Variants in AP2A2 observed in about 807,000 individuals in gnomAD.
AP2A2 encodes the protein adaptor related protein complex 2 subunit alpha 2.
In AP2A2, 32 loss-of-function variants were observed where a neutral mutation model predicts 104.2. The observed-to-expected ratio is 0.31, with a 90% confidence interval of 0.23 to 0.41. AP2A2 has a LOEUF of 0.41. Ranked by LOEUF, AP2A2 falls within the 10% of genes least tolerant of loss-of-function variation. The probability of loss-of-function intolerance (pLI) is 1.00; values close to 1 mark genes in which losing one functional copy is unlikely to be tolerated. For missense variants in AP2A2, 912 were observed against 1,261.0 expected, an observed-to-expected ratio of 0.72 and a Z score of 4.19; for synonymous variants, 539 against 533.3, an observed-to-expected ratio of 1.01 and a Z score of -0.15.
In AP2A2 at chr11:968,698, C is replaced by T. The variant is rs989795416; in HGVS notation, c.137-1471C>T. Among the ~76,000 whole-genome samples, 1 of 151,708 alleles carries T rather than the reference C, an allele frequency of 6.6e-6. No individual in the cohort carries two copies. The highest frequency in any genetic ancestry group is 2.4e-5 in the African/African-American group (1 of 41,300). ...GGATCTCTGCTGCGCAGCCCGTGCT[C>T]AGCTGTGTGTGCCCTCCTGCACAAA... On this transcript the variant is annotated intron_variant, in intron 2 of 21. Coordinates refer to ENST00000448903, the MANE Select transcript of AP2A2 (RefSeq NM_012305.4). The surrounding 1 kb of genome is among the most constrained non-coding windows in gnomAD (Gnocchi z 4.2).
At chr11:938,293 G>A (rs1368269445) in intron 1 of AP2A2, among the ~76,000 whole-genome samples, 1 of 152,132 alleles carries the variant, frequency 6.6e-6, no homozygotes, top group South Asian at 2.1e-4. Context: ...ACCCCTATAC[G>A]ATACTGAGGT....
Position 1,003,720 on chromosome 11 carries a change from A to G in AP2A2, c.2124-2A>G. ...ACACATATACTGTCCCTTTTCCCCTAGGTTTGTTTGTAAAAACAATGGTGT... is the reference window on the plus strand; with the variant it reads ...ACACATATACTGTCCCTTTTCCCCTGGGTTTGTTTGTAAAAACAATGGTGT... On this transcript the variant is annotated splice_acceptor_variant, in intron 15 of 21. Coordinates refer to ENST00000448903, the MANE Select transcript of AP2A2 (RefSeq NM_012305.4). LOFTEE classifies it high-confidence loss of function. The G allele has an allele frequency of 6.3e-7, 1 of 1,598,228 alleles. No homozygotes were observed. Among genetic ancestry groups the G allele is most frequent in the Non-Finnish European group, 8.5e-7 (1 of 1,172,308 alleles).
intron 1 of AP2A2, among the ~76,000 whole-genome samples, chr11:938,727 G>C (rs1009246861): frequency 6.6e-6 from 1 of 151,944 alleles, no homozygotes; most frequent in Non-Finnish European, 1.5e-5. Flanking sequence ...GCCCGCCTTG[G>C]CCTCCTGAAA....
chr11:946,277 G>A (rs984383297), intron 1 of AP2A2, among the ~76,000 whole-genome samples: 1 of 152,206 alleles, frequency 6.6e-6, no homozygotes, highest in African/African-American at 2.4e-5. Flanking sequence ...AGCTGGGAAA[G>A]CCAGCAGCCT....
chr11:1,006,768 A>G, intron 17 of AP2A2, 151 bp downstream of exon 17: 3 of 632,448 alleles, frequency 4.7e-6, no homozygotes, highest in Non-Finnish European at 8.3e-6. Flanking sequence ...TAATCTGCCT[A>G]TGGTGCTGGG....
intron 1 of AP2A2, among the ~76,000 whole-genome samples, chr11:939,857 C>T (rs1853585181): frequency 1.3e-5 from 2 of 151,612 alleles, no homozygotes; most frequent in Admixed American, 6.6e-5. Context: ...TATTTCATGT[C>T]TGAAAGTACT....
At chr11:956,313 C>A (rs1854233444) in intron 1 of AP2A2, among the ~76,000 whole-genome samples, 1 of 152,138 alleles carries the variant, frequency 6.6e-6, no homozygotes, top group South Asian at 2.1e-4. Flanking sequence ...CAGGCATGCG[C>A]CACCACGCCT....
intron 6 of AP2A2, among the ~76,000 whole-genome samples, chr11:983,049 C>T (rs1284019480): frequency 2.0e-4 from 25 of 125,988 alleles, no homozygotes; most frequent in Admixed American, 6.7e-4. Flanking sequence ...GAGTCGGAGT[C>T]GCACTCTGTT....
chr11:1,009,334 G>A lies in AP2A2; in HGVS notation c.2544G>A (p.Gln848=), dbSNP rs1296695539. ...CCTTTGCTGTTTCTCACAGTCCACA[G>A]CAGGAAGTGCAGAACATCTTCAAAG... is the stretch of plus-strand genomic sequence containing the variant. ...FQRWKQLSNP[Q]QEVQNIFKAK... The change falls in exon 20 of 22, where the codon CAG becomes CAA. Residue 848 remains glutamine, a synonymous_variant. Coordinates refer to ENST00000448903, the MANE Select transcript of AP2A2 (RefSeq NM_012305.4). 6.2e-7 allele frequency: 1 copy of A among 1,613,740 alleles called. No individual in the cohort carries two copies. Among genetic ancestry groups the A allele is most frequent in the Non-Finnish European group, 8.5e-7 (1 of 1,179,804 alleles).
rs1854559364 is a variant in AP2A2 at position 964,805 on chromosome 11, GAAA to G, written c.136+5301_136+5303del. The stretch of plus-strand genomic sequence containing the variant: ...GGAAATAATCCCAGATGGAAGCGTG[GAAA>G]TGGAAAGCATGGAACGGGCAGGAAA... On this transcript the variant is annotated intron_variant, in intron 2 of 21. Transcript: ENST00000448903. Among the ~76,000 whole-genome samples, 2 of 135,904 alleles carry G rather than the reference GAAA, an allele frequency of 1.5e-5. 1 individual carries two copies. The highest frequency in any genetic ancestry group is 3.4e-5 in the Non-Finnish European group (2 of 59,516). The allele number at this position is 135,904 out of a possible 152,430, so 89.2% of individuals were successfully genotyped here.
Position 992,063 on chromosome 11 carries a change from G to A in AP2A2, c.1270-440G>A, listed in dbSNP as rs1269833277. Among the ~76,000 whole-genome samples the A allele has an allele frequency of 1.3e-5, 2 of 152,182 alleles. No individual in the cohort carries two copies. Among genetic ancestry groups the A allele is most frequent in the Non-Finnish European group, 2.9e-5 (2 of 68,028 alleles). On this transcript the variant is annotated intron_variant, in intron 10 of 21. Transcript: ENST00000448903. The surrounding 1 kb of genome is among the most constrained non-coding windows in gnomAD (Gnocchi z 6.4). The stretch of plus-strand genomic sequence containing the variant: ...TCGCAGGAAAGACTGGCCAGAGCCG[G>A]AAGAAACCAGCAGAGAAGTGGCCGC...
chr11:969,946 G>A (rs1160734918), intron 2 of AP2A2, among the ~76,000 whole-genome samples: 1 of 152,160 alleles, frequency 6.6e-6, no homozygotes, highest in South Asian at 2.1e-4. Flanking sequence ...TCTGGTGCCT[G>A]TTTTTAAAAG....
chr11:953,553 C>A (rs969542461), intron 1 of AP2A2, among the ~76,000 whole-genome samples: 5 of 151,890 alleles, frequency 3.3e-5, no homozygotes, highest in African/African-American at 9.7e-5. Context: ...GAGCCCCCCC[C>A]CCCCATTGTC....
chr11:992,355 G>A lies in AP2A2; in HGVS notation c.1270-148G>A. The stretch of plus-strand genomic sequence containing the variant: ...TTTCTGGGCTCGTGGGCTTTTTTGA[G>A]AATCGAGTTCAAGCTTCCTCCATGT... On this transcript the variant is annotated intron_variant, in intron 10 of 21. Coordinates refer to ENST00000448903, the MANE Select transcript of AP2A2 (RefSeq NM_012305.4). This position sits in a 1 kb window ranked among gnomAD's most constrained non-coding sequence, Gnocchi z 6.4. 1.3e-6 allele frequency: 1 copy of A among 787,570 alleles called. No individual in the cohort carries two copies. 48.8% of individuals were successfully genotyped at this position (787,570 alleles called of 1,614,324 possible). A position where few individuals can be genotyped will look rare whatever the true frequency, so the allele number is the denominator to read the frequency against.
intron 6 of AP2A2, among the ~76,000 whole-genome samples, chr11:983,545 G>C (rs1003524811): frequency 2.0e-5 from 3 of 151,434 alleles, no homozygotes; most frequent in Non-Finnish European, 2.9e-5. Context: ...ACCATGCCTG[G>C]CTAATTTTTT....
rs1276404572 is a variant in AP2A2 at position 978,578 on chromosome 11, C to CCACAG, written c.603+1356_603+1357insCAGCA. ...TCCTGAAGGGACGCCACAGCCAACC[C>CCACAG]CAGGGTGGGCTCCCTGCTGCCCAGT... On this transcript the variant is annotated intron_variant, in intron 5 of 21. Transcript: ENST00000448903. 6.6e-5 allele frequency among the ~76,000 whole-genome samples: 10 copies of CCACAG among 152,206 alleles called. 1 individual carries two copies. Among genetic ancestry groups the CCACAG allele is most frequent in the Non-Finnish European group, 1.5e-5 (1 of 68,034 alleles).
chr11:944,380 C>A (rs115124753), intron 1 of AP2A2, among the ~76,000 whole-genome samples: 1 of 152,306 alleles, frequency 6.6e-6, no homozygotes, highest in African/African-American at 2.4e-5. Context: ...GCTACAATGC[C>A]AGGCACTTCC....
At chr11:939,933 T>C (rs1239227002) in intron 1 of AP2A2, among the ~76,000 whole-genome samples, 1 of 150,560 alleles carries the variant, frequency 6.6e-6, no homozygotes, top group African/African-American at 2.4e-5. Context: ...AGTTAATGAT[T>C]GCCTTTTGTT....
intron 5 of AP2A2, among the ~76,000 whole-genome samples, chr11:977,747 C>T (rs951645132): frequency 1.1e-4 from 16 of 151,796 alleles, no homozygotes; most frequent in African/African-American, 1.7e-4. Flanking sequence ...AGCCGTCCAC[C>T]GCATCCAGCA....
Sources: gnomAD v4.1 joint callset for allele counts (sites outside exome capture counted in the v4.1 genomes callset) on GRCh38, gnomAD v4.1.1 for gene constraint, Gnocchi (gnomAD v3.1) non-coding constraint, MANE v1.5 for transcripts, NCBI Gene and HGNC (gene_info 2026-07-23, HGNC 2026-07-21) for gene names.